Variants in MTA3 observed in about 807,000 individuals in gnomAD.
MTA3 encodes the protein metastasis-associated protein MTA3.
MTA3 carries 34 observed loss-of-function variants against 83.5 expected under a neutral mutation model. The observed-to-expected ratio is 0.41, with a 90% confidence interval of 0.31 to 0.54. The LOEUF (loss-of-function observed/expected upper bound fraction) is 0.54. MTA3 is among the 20% of genes least tolerant of loss of function. MTA3 has a pLI of 0.33. For missense variants in MTA3, 761 were observed against 726.4 expected (o/e 1.05, Z -0.55); for synonymous variants, 303 against 252.7 (o/e 1.20, Z -1.89).
At chr2:42,604,355 C>G (rs1414367815) in intron 3 of MTA3, among the ~76,000 whole-genome samples, 1 of 152,182 alleles carries the variant, frequency 6.6e-6, no homozygotes, top group Non-Finnish European at 1.5e-5. Flanking sequence ...CAGTGTAACT[C>G]TTAAGTTTAG....
chr2:42,567,116 C>T (rs1677949147), upstream of MTA3, among the ~76,000 whole-genome samples: 1 of 152,106 alleles, frequency 6.6e-6, no homozygotes, highest in Non-Finnish European at 1.5e-5. Context: ...GCAGAGAACC[C>T]TTGGGAATCT....
In MTA3 at chr2:42,620,481, T is replaced by G. The variant is rs144185138; in HGVS notation, c.317+10897T>G. Among the ~76,000 whole-genome samples, 245 of 152,246 alleles carry G rather than the reference T, an allele frequency of 1.6e-3. 2 individuals are homozygous for G. The East Asian group carries it at 0.042, about 26-fold the overall frequency. On this transcript the variant is annotated intron_variant, in intron 4 of 16. Coordinates refer to ENST00000405094, the MANE Select transcript of MTA3 (RefSeq NM_001330442.2). ...ACCTAAACCCACTTCTGTTGCATAT[T>G]GATGTGTGATGGTTTTCTTTTCTTT...
chr2:42,742,218 A>T (rs1447781463), intron 16 of MTA3, among the ~76,000 whole-genome samples: 2 of 151,184 alleles, frequency 1.3e-5, no homozygotes, highest in Non-Finnish European at 2.9e-5. Flanking sequence ...AGCTCACTGC[A>T]ACCTCTGCCT....
At chr2:42,620,294 T>G (rs1685390346) in intron 4 of MTA3, among the ~76,000 whole-genome samples, 1 of 152,058 alleles carries the variant, frequency 6.6e-6, no homozygotes, top group African/African-American at 2.4e-5. Flanking sequence ...TATTTTTGTA[T>G]TTTTAATAGA....
chr2:42,548,113 T>A (rs1174635868), intron 2 of MTA3, among the ~76,000 whole-genome samples: 4 of 152,206 alleles, frequency 2.6e-5, no homozygotes, highest in Non-Finnish European at 2.9e-5. Context: ...GACATTACAA[T>A]CATCCCCTCT....
intron 7 of MTA3, among the ~76,000 whole-genome samples, chr2:42,657,362 A>G (rs1318745821): frequency 1.3e-5 from 2 of 152,144 alleles, no homozygotes; most frequent in East Asian, 3.9e-4. Context: ...TCACCTAACT[A>G]CTAAGTGACT....
chr2:42,525,153 A>G (rs1435431167), intron 2 of MTA3, among the ~76,000 whole-genome samples: 1 of 145,796 alleles, frequency 6.9e-6, no homozygotes, highest in Non-Finnish European at 1.5e-5. Context: ...TGGTAGGTAC[A>G]GCAAGTTTGT....
At chr2:42,607,963 A>G (rs190563482) in intron 3 of MTA3, among the ~76,000 whole-genome samples, 1 of 152,212 alleles carries the variant, frequency 6.6e-6, no homozygotes, top group Non-Finnish European at 1.5e-5. Context: ...AAAAAGTTAT[A>G]CAAATACATA....
At chr2:42,629,763 A>G (rs1686491598) in intron 4 of MTA3, among the ~76,000 whole-genome samples, 1 of 152,066 alleles carries the variant, frequency 6.6e-6, no homozygotes, top group Admixed American at 6.6e-5. Context: ...TGGTTGCTGG[A>G]ATTCATGGGG....
chr2:42,536,465 A>G (rs866691493), intron 2 of MTA3, among the ~76,000 whole-genome samples: 17 of 151,800 alleles, frequency 1.1e-4, no homozygotes, highest in African/African-American at 4.1e-4. Flanking sequence ...ACAAGATCGA[A>G]ACTCCATCTC....
chr2:42,617,277 A>C (rs1011755795), intron 4 of MTA3, among the ~76,000 whole-genome samples: 1 of 152,226 alleles, frequency 6.6e-6, no homozygotes, highest in African/African-American at 2.4e-5. Flanking sequence ...TGAGCCAGCA[A>C]TTCTGCTTTT....
intron 3 of MTA3, among the ~76,000 whole-genome samples, chr2:42,587,763 A>G (rs1307242129): frequency 6.6e-6 from 1 of 152,014 alleles, no homozygotes; most frequent in Non-Finnish European, 1.5e-5. Flanking sequence ...CACCACACCC[A>G]GCTAATTTTT....
At chr2:42,550,036 G>T (rs887568758) in intron 2 of MTA3, among the ~76,000 whole-genome samples, 1 of 151,936 alleles carries the variant, frequency 6.6e-6, no homozygotes, top group Non-Finnish European at 1.5e-5. Flanking sequence ...AAGAATAATG[G>T]TGCTGGCAAT....
chr2:42,549,385 T>G (rs1471387308), intron 2 of MTA3, among the ~76,000 whole-genome samples: 2 of 120,150 alleles, frequency 1.7e-5, no homozygotes, highest in Non-Finnish European at 3.2e-5. Context: ...ATAAAATATA[T>G]GTATATATTA....
chr2:42,545,017 G>C (rs971816181), intron 2 of MTA3, among the ~76,000 whole-genome samples: 4 of 152,118 alleles, frequency 2.6e-5, no homozygotes, highest in African/African-American at 9.7e-5. Context: ...AAAGTTTAGT[G>C]GCCTCCAGCA....
Position 42,754,426 on chromosome 2 carries a change from G to A in MTA3, c.*1027G>A, listed in dbSNP as rs111873367. On this transcript the variant is annotated 3_prime_UTR_variant, in exon 17 of 17. Coordinates refer to ENST00000405094, the MANE Select transcript of MTA3 (RefSeq NM_001330442.2). The stretch of plus-strand genomic sequence containing the variant: ...TGAGCACATGTGACCTAGGCCCCGG[G>A]GGACCTGCCTGCTCCTTTGGCTTGG... The A allele has an allele frequency of 1.0e-3, 1,014 of 985,530 alleles. 11 individuals carry two copies. The African/African-American group carries it at 0.015, about 14-fold the overall frequency. 61.0% of individuals were successfully genotyped at this position (985,530 alleles called of 1,614,324 possible). A position where few individuals can be genotyped will look rare whatever the true frequency, so the allele number is the denominator to read the frequency against.
At chr2:42,679,416 C>T (rs1241645477) in intron 8 of MTA3, among the ~76,000 whole-genome samples, 3 of 152,092 alleles carry the variant, frequency 2.0e-5, no homozygotes, top group Admixed American at 2.0e-4. Flanking sequence ...GAAAACCGCA[C>T]AGAAAGGCCA....
chr2:42,731,325 A>T (rs1192191942), intron 16 of MTA3, among the ~76,000 whole-genome samples: 2 of 152,154 alleles, frequency 1.3e-5, no homozygotes, highest in Non-Finnish European at 2.9e-5. Context: ...TTTTTGATGT[A>T]GGCTTGTATT....
intron 12 of MTA3, 124 bp downstream of exon 12, chr2:42,704,442 A>T: frequency 9.0e-7 from 1 of 1,116,028 alleles, no homozygotes; most frequent in East Asian, 2.4e-5. Context: ...GTCTCCTCTA[A>T]ATGAGTAGAT....
Sources: gnomAD v4.1 joint callset for allele counts (sites outside exome capture counted in the v4.1 genomes callset) on GRCh38, gnomAD v4.1.1 for gene constraint, MANE v1.5 for transcripts, NCBI Gene and HGNC (gene_info 2026-07-23, HGNC 2026-07-21) for gene names.